PICK1: variants seen among roughly 807,000 people sequenced by gnomAD.
The protein encoded by PICK1 is protein interacting with PRKCA 1.
In PICK1, 23 loss-of-function variants were observed where a neutral mutation model predicts 48.9. The ratio of observed to expected loss-of-function variants is 0.47; its 90% CI spans 0.34 to 0.67. The LOEUF (loss-of-function observed/expected upper bound fraction) is 0.67, where lower values mean the gene tolerates loss of function less well. Ranked by LOEUF, PICK1 falls within the 30% of genes least tolerant of loss-of-function variation. The probability of loss-of-function intolerance (pLI) is 0.01; values close to 1 mark genes in which losing one functional copy is unlikely to be tolerated. For missense variants in PICK1, 423 were observed against 557.1 expected, an observed-to-expected ratio of 0.76 and a Z score of 2.42; for synonymous variants, 217 against 228.2, an observed-to-expected ratio of 0.95 and a Z score of 0.44.
In PICK1 at chr22:38,071,719, T is replaced by C. The variant is rs750634918; in HGVS notation, c.531T>C (p.Phe177=). 44 of 1,613,606 alleles carry C rather than the reference T, an allele frequency of 2.7e-5. 1 individual carries two copies. Among genetic ancestry groups the C allele is most frequent in the Non-Finnish European group, 3.6e-5 (42 of 1,179,960 alleles). ...TEHTKNLLRA[F]YELSQTHRAF... is the part of the protein sequence containing the mutation. ...ACACCAAGAACCTCCTACGGGCCTTTTATGAGCTGTCGCAGACTCACCGGG... is the reference window on the plus strand; with the variant it reads ...ACACCAAGAACCTCCTACGGGCCTTCTATGAGCTGTCGCAGACTCACCGGG... Residue 177 remains phenylalanine, a synonymous_variant, in exon 8 of 13, where the codon TTT becomes TTC. Coordinates refer to ENST00000356976, the MANE Select transcript of PICK1 (RefSeq NM_012407.4).
intron 5 of PICK1, 77 bp downstream of exon 5, chr22:38,067,847 C>T: frequency 1.8e-6 from 2 of 1,123,138 alleles, no homozygotes; most frequent in Non-Finnish European, 2.7e-6. Flanking sequence ...AGTGCCACAG[C>T]CAGCCCTGCC....
intron 9 of PICK1, 72 bp downstream of exon 9, chr22:38,072,682 G>T (rs534704840): frequency 1.9e-6 from 3 of 1,585,918 alleles, no homozygotes; most frequent in Non-Finnish European, 2.6e-6. Context: ...TGCAGAGAAG[G>T]TCGTATGCTG....
intron 1 of PICK1, 81 bp from the exon 2 acceptor site, chr22:38,057,672 A>AG (rs5845366): frequency 1 from 723,245 of 723,260 alleles, 361,615 homozygotes; most frequent in Middle Eastern, 1. Context: ...GTCCCGTATG[A>AG]GGTGGTGGAG....
chr22:38,059,440 T>A, intron 3 of PICK1, 95 bp downstream of exon 3: 1 of 884,010 alleles, frequency 1.1e-6, no homozygotes, highest in Non-Finnish European at 1.9e-6. Context: ...TGACTCCTTC[T>A]CATTCTTGAG....
Position 38,074,457 on chromosome 22 carries a change from C to T in PICK1, c.979+6C>T, listed in dbSNP as rs137938646. On this transcript the variant is annotated splice_donor_region_variant and intron_variant, in intron 12 of 12. Transcript: ENST00000356976. The surrounding 1 kb of genome is among the most constrained non-coding windows in gnomAD (Gnocchi z 4.5). Reference sequence around the variant, plus strand: ...GCTGCTGGACCAGAAGCACGGTGAGCGCCGCCCTCCTCCCCGTCCGCTCTC... The same window carrying T: ...GCTGCTGGACCAGAAGCACGGTGAGTGCCGCCCTCCTCCCCGTCCGCTCTC... 5,289 of 1,612,982 alleles carry T rather than the reference C, an allele frequency of 3.3e-3. 274 individuals carry two copies. In the Admixed American group the frequency reaches 0.082, roughly 25 times the overall value.
chr22:38,069,164 C>G, intron 6 of PICK1, 42 bp downstream of exon 6: 1 of 1,445,258 alleles, frequency 6.9e-7, no homozygotes, highest in South Asian at 1.2e-5. Context: ...GGGACTCAAG[C>G]CCAGGCTGAG....
intron 6 of PICK1, among the ~76,000 whole-genome samples, chr22:38,070,562 A>C (rs1211177140): frequency 6.6e-6 from 1 of 152,168 alleles, no homozygotes; most frequent in Non-Finnish European, 1.5e-5. Context: ...GGCCCCTGCC[A>C]GCCTTCCTCC....
In PICK1 at chr22:38,075,229, C is replaced by A; in HGVS notation, c.*97C>A. On this transcript the variant is annotated 3_prime_UTR_variant, in exon 13 of 13. Coordinates refer to ENST00000356976, the MANE Select transcript of PICK1 (RefSeq NM_012407.4). Reference sequence around the variant, plus strand: ...GCGCAAGGGGGCGACGCATAAAGGCCTGCTGGCTTGGGGCGCCTGCCTCCC... The same window carrying A: ...GCGCAAGGGGGCGACGCATAAAGGCATGCTGGCTTGGGGCGCCTGCCTCCC... 1 of 1,270,892 alleles carries A rather than the reference C, an allele frequency of 7.9e-7. No homozygotes were observed. Among genetic ancestry groups the A allele is most frequent in the Non-Finnish European group, 1.1e-6 (1 of 937,104 alleles). The allele number at this position is 1,270,892 out of a possible 1,614,324, so 78.7% of individuals were successfully genotyped here. A position where few individuals can be genotyped will look rare whatever the true frequency, so the allele number is the denominator to read the frequency against.
chr22:38,057,302 G>A, upstream of PICK1: 1 of 181,604 alleles, frequency 5.5e-6, no homozygotes, highest in Non-Finnish European at 1.2e-5. Context: ...TCTTGGTTCC[G>A]AGCGTCCCGG....
intron 3 of PICK1, among the ~76,000 whole-genome samples, chr22:38,063,304 G>T (rs111799790): frequency 2.0e-5 from 3 of 150,566 alleles, no homozygotes; most frequent in Admixed American, 2.0e-4. Context: ...CTACAGGCAC[G>T]CGCCACCATG....
chr22:38,074,611 G>GCGTGGGCTC lies in PICK1; in HGVS notation c.979+169_979+177dup, dbSNP rs2085788917. Among the ~76,000 whole-genome samples, 1 of 152,244 alleles carries GCGTGGGCTC rather than the reference G, an allele frequency of 6.6e-6. No homozygotes were observed. The highest frequency in any genetic ancestry group is 2.1e-4 in the South Asian group (1 of 4,834). ...TGGCCTGGGTGGAGCTGGCCTGTGC[G>GCGTGGGCTC]CGTGGGCTCCGTGGGCTGCCATCCA... On this transcript the variant is annotated intron_variant, in intron 12 of 12. Transcript: ENST00000356976. The surrounding 1 kb of genome is among the most constrained non-coding windows in gnomAD (Gnocchi z 4.5).
At chr22:38,063,266 C>G (rs1270811823) in intron 3 of PICK1, among the ~76,000 whole-genome samples, 2 of 151,966 alleles carry the variant, frequency 1.3e-5, no homozygotes, top group South Asian at 4.2e-4. Context: ...AAGCGATCCT[C>G]CCACCTCAGA....
chr22:38,072,244 C>T (rs2085715055), intron 8 of PICK1, among the ~76,000 whole-genome samples: 1 of 152,206 alleles, frequency 6.6e-6, no homozygotes, highest in Admixed American at 6.5e-5. Flanking sequence ...TTGGTGTGTA[C>T]ACTCAGGACT....
intron 3 of PICK1, among the ~76,000 whole-genome samples, chr22:38,061,069 C>T (rs1024466626): frequency 4.0e-5 from 6 of 151,798 alleles, no homozygotes; most frequent in African/African-American, 9.7e-5. Context: ...TGGCCGGGTG[C>T]GGTGGCTCAC....
Position 38,074,113 on chromosome 22 carries a change from GC to G in PICK1, c.835-192del. ...TTCTGCTGTCGGGATCCATTTCGTG[GC>G]CAGTGTTCATTGAATGTGGCAGAGG... On this transcript the variant is annotated intron_variant, in intron 11 of 12. Coordinates refer to ENST00000356976, the MANE Select transcript of PICK1 (RefSeq NM_012407.4). This position sits in a 1 kb window ranked among gnomAD's most constrained non-coding sequence, Gnocchi z 4.5. The G allele has an allele frequency of 1.5e-6, 1 of 664,690 alleles. No individual in the cohort carries two copies. Among genetic ancestry groups the G allele is most frequent in the Non-Finnish European group, 2.6e-6 (1 of 390,472 alleles). 41.2% of individuals were successfully genotyped at this position (664,690 alleles called of 1,614,324 possible).
At chr22:38,072,402 C>A in intron 8 of PICK1, 75 bp from the exon 9 acceptor site, 1 of 1,569,982 alleles carries the variant, frequency 6.4e-7, no homozygotes, top group South Asian at 1.1e-5. Flanking sequence ...CCCTGCCCTG[C>A]TTCTCCCCAA....
chr22:38,059,460 T>C (rs1013809354), intron 3 of PICK1, 115 bp downstream of exon 3: 20 of 775,786 alleles, frequency 2.6e-5, no homozygotes, highest in Non-Finnish European at 1.8e-5. Flanking sequence ...GGTCTGACCC[T>C]CTCAGAGGGG....
At chr22:38,057,400 A>C (rs1049525001), upstream of PICK1, 7 of 227,578 alleles carry the variant, frequency 3.1e-5, no homozygotes, top group African/African-American at 1.6e-4. Context: ...GCCGGAAGTG[A>C]CGTGACAATC....
chr22:38,074,539 G>C lies in PICK1; in HGVS notation c.979+88G>C, dbSNP rs2085786479. Reference sequence around the variant, plus strand: ...GGGGTACTCTCAGGGCCAGGCCACGGCCCAGATGTAAAGCCCCTCCAGGAG... The same window carrying C: ...GGGGTACTCTCAGGGCCAGGCCACGCCCCAGATGTAAAGCCCCTCCAGGAG... On this transcript the variant is annotated intron_variant, in intron 12 of 12. Transcript: ENST00000356976. The surrounding 1 kb of genome is among the most constrained non-coding windows in gnomAD (Gnocchi z 4.5). 5 of 1,540,594 alleles carry C rather than the reference G, an allele frequency of 3.2e-6. No homozygotes were observed. The highest frequency in any genetic ancestry group is 4.4e-6 in the Non-Finnish European group (5 of 1,130,662).
Sources: allele counts gnomAD v4.1 joint callset (sites outside exome capture counted in the v4.1 genomes callset), GRCh38; gene constraint gnomAD v4.1.1; non-coding constraint Gnocchi (gnomAD v3.1); transcripts MANE v1.5; gene names NCBI Gene and HGNC (gene_info 2026-07-23, HGNC 2026-07-21).